Variants in RUNX2 observed in about 807,000 individuals in gnomAD.
The protein encoded by RUNX2 is runt-related transcription factor 2.
A neutral mutation model predicts 51.7 loss-of-function variants in RUNX2; 10 were observed. That is an observed-to-expected ratio of 0.19 (90% CI 0.12 to 0.33). The LOEUF (loss-of-function observed/expected upper bound fraction) is 0.33, where lower values mean the gene tolerates loss of function less well. Ranked by LOEUF, RUNX2 falls within the 10% of genes least tolerant of loss-of-function variation. The pLI, the probability that RUNX2 is intolerant of heterozygous loss-of-function variation, is 1.00. For missense variants in RUNX2, 562 were observed against 691.3 expected (o/e 0.81, Z 2.10); for synonymous variants, 276 against 273.6 (o/e 1.01, Z -0.09).
At position 45,547,192 on chromosome 6, in the gene RUNX2, C is replaced by A. The variant is rs1421970328; in HGVS notation, c.1453C>A (p.Pro485Thr). 2 of 1,614,048 alleles carry A rather than the reference C, an allele frequency of 1.2e-6. No homozygotes were observed. Among genetic ancestry groups the A allele is most frequent in the African/African-American group, 2.7e-5 (2 of 74,906 alleles). The change falls in exon 9 of 9, where the codon CCA (proline) becomes ACA (threonine). Residue 485 changes from proline to threonine, a missense_variant. Physicochemically the swap from Pro to Thr is conservative, Grantham distance 38. Coordinates refer to ENST00000647337, the MANE Select transcript of RUNX2 (RefSeq NM_001024630.4). Reference sequence around the variant, plus strand: ...CTCGAATGGCAGCACGCTATTAAATCCAAATTTGCCTAACCAGAATGATGG... The same window carrying A: ...CTCGAATGGCAGCACGCTATTAAATACAAATTTGCCTAACCAGAATGATGG... ...TTSNGSTLLN[P>T]NLPNQNDGVD...
chr6:45,357,029 C>T (rs774664375), intron 2 of RUNX2, among the ~76,000 whole-genome samples: 5 of 152,046 alleles, frequency 3.3e-5, no homozygotes, highest in South Asian at 2.1e-4. Flanking sequence ...TTTTCTGAGA[C>T]GGAGTCTCAC....
At chr6:45,439,208 G>A (rs1798773652) in intron 5 of RUNX2, among the ~76,000 whole-genome samples, 1 of 152,194 alleles carries the variant, frequency 6.6e-6, no homozygotes, top group African/African-American at 2.4e-5. Context: ...TCAAAAGCAA[G>A]TCTTTGAGGT....
intron 5 of RUNX2, among the ~76,000 whole-genome samples, chr6:45,446,484 C>A (rs1446447673): frequency 6.6e-6 from 1 of 151,552 alleles, no homozygotes; most frequent in African/African-American, 2.4e-5. Context: ...TTCCCCTCCC[C>A]CCCTTTTTTT....
intron 2 of RUNX2, among the ~76,000 whole-genome samples, chr6:45,333,073 A>T (rs1447187066): frequency 2.6e-5 from 4 of 151,714 alleles, no homozygotes; most frequent in Non-Finnish European, 4.4e-5. Context: ...TAACTGTCTA[A>T]AGCATGTGAA....
In RUNX2 at chr6:45,366,597, T is replaced by C. The variant is rs1795177793; in HGVS notation, c.58+37813T>C. ...AAACTTTTATATAAATTTAGATGTA[T>C]TACCCTTTTTTTCACAATCAGGCAA... On this transcript the variant is annotated intron_variant, in intron 2 of 8. Coordinates refer to ENST00000647337, the MANE Select transcript of RUNX2 (RefSeq NM_001024630.4). Among the ~76,000 whole-genome samples, 4 of 152,180 alleles carry C rather than the reference T, an allele frequency of 2.6e-5. No individual in the cohort carries two copies. In the South Asian group the frequency reaches 8.3e-4, roughly 31 times the overall value.
In RUNX2 at chr6:45,547,746, C is replaced by CTGT; in HGVS notation, c.*441_*442insTGT. ...GTGGCAGCTGTGTATGGACCAGTGC[C>CTGT]CTCCGCAGACAGCTCACAAAACCAG... On this transcript the variant is annotated 3_prime_UTR_variant, in exon 9 of 9. Coordinates refer to ENST00000647337, the MANE Select transcript of RUNX2 (RefSeq NM_001024630.4). The CTGT allele has an allele frequency of 4.2e-6, 1 of 235,966 alleles. No homozygotes were observed. Among genetic ancestry groups the CTGT allele is most frequent in the South Asian group, 5.8e-5 (1 of 17,346 alleles). 14.6% of individuals were successfully genotyped at this position (235,966 alleles called of 1,614,324 possible).
At chr6:45,338,940 C>T (rs1467485809) in intron 2 of RUNX2, among the ~76,000 whole-genome samples, 1 of 151,750 alleles carries the variant, frequency 6.6e-6, no homozygotes, top group African/African-American at 2.4e-5. Context: ...GCTGAAGACA[C>T]ATAAGTATAA....
chr6:45,377,996 C>A lies in RUNX2; in HGVS notation c.59-44597C>A, dbSNP rs1797062329. 2.0e-5 allele frequency: 3 copies of A among 149,062 alleles called. No individual in the cohort carries two copies. In the South Asian group the frequency reaches 6.5e-4, roughly 33 times the overall value. The allele number at this position is 149,062 out of a possible 1,614,324, so 9.2% of individuals were successfully genotyped here. On this transcript the variant is annotated intron_variant, in intron 2 of 8. Coordinates refer to ENST00000647337, the MANE Select transcript of RUNX2 (RefSeq NM_001024630.4). ...CCGACTCTCGGTGGGGCGGGGGTTG[C>A]GGAGACTGAGGAGTAAGCGATACGG...
chr6:45,338,841 A>G (rs1272751115), intron 2 of RUNX2, among the ~76,000 whole-genome samples: 1 of 151,982 alleles, frequency 6.6e-6, no homozygotes, highest in African/African-American at 2.4e-5. Flanking sequence ...TTAAGGAGGT[A>G]CTCACTCTTG....
At chr6:45,426,184 A>C (rs1409332541) in intron 3 of RUNX2, among the ~76,000 whole-genome samples, 1 of 152,228 alleles carries the variant, frequency 6.6e-6, no homozygotes, top group African/African-American at 2.4e-5. Context: ...TATACTTTAT[A>C]TAAAGTTGTT....
At chr6:45,508,106 T>TG (rs1278904224) in intron 6 of RUNX2, among the ~76,000 whole-genome samples, 3 of 152,102 alleles carry the variant, frequency 2.0e-5, no homozygotes, top group Non-Finnish European at 2.9e-5. Flanking sequence ...AGAGAAGGCA[T>TG]GGGGGTGTTT....
In RUNX2 at chr6:45,378,172, C is replaced by T. The variant is rs1026771343; in HGVS notation, c.59-44421C>T. Among the ~76,000 whole-genome samples, 4 of 152,084 alleles carry T rather than the reference C, an allele frequency of 2.6e-5. No homozygotes were observed. In the East Asian group the frequency reaches 7.7e-4, roughly 29 times the overall value. ...CCGGCTTGGGCAGCGCTGAGCCACG[C>T]GGCGGCGTTTAGAGCTGGGGACGCT... On this transcript the variant is annotated intron_variant, in intron 2 of 8. Coordinates refer to ENST00000647337, the MANE Select transcript of RUNX2 (RefSeq NM_001024630.4).
At chr6:45,459,026 T>TC (rs1371638886) in intron 5 of RUNX2, among the ~76,000 whole-genome samples, 1 of 152,230 alleles carries the variant, frequency 6.6e-6, no homozygotes, top group African/African-American at 2.4e-5. Flanking sequence ...AATTTCCTTT[T>TC]CCCTGTGTGT....
At chr6:45,487,373 A>C (rs1800315055) in intron 5 of RUNX2, among the ~76,000 whole-genome samples, 1 of 152,194 alleles carries the variant, frequency 6.6e-6, no homozygotes, top group Non-Finnish European at 1.5e-5. Context: ...CATCCATAAA[A>C]GAAGCATGTT....
intron 2 of RUNX2, among the ~76,000 whole-genome samples, chr6:45,403,295 G>A (rs1263822309): frequency 2.1e-5 from 3 of 145,892 alleles, no homozygotes; most frequent in Non-Finnish European, 4.5e-5. Flanking sequence ...GTGCAGTGGT[G>A]CGATCTCGGC....
At chr6:45,513,670 G>A (rs899739615) in intron 7 of RUNX2, 2 of 151,058 alleles carry the variant, frequency 1.3e-5, no homozygotes, top group African/African-American at 2.5e-5. Flanking sequence ...AGGGAAAGAA[G>A]AGGGGTGGAG....
chr6:45,407,339 A>G (rs946627549), intron 2 of RUNX2, among the ~76,000 whole-genome samples: 1 of 152,062 alleles, frequency 6.6e-6, no homozygotes, highest in Non-Finnish European at 1.5e-5. Context: ...ATGAGCCACT[A>G]CTAGCAGCCT....
chr6:45,395,507 T>C (rs1183621952), intron 2 of RUNX2, among the ~76,000 whole-genome samples: 4 of 152,144 alleles, frequency 2.6e-5, no homozygotes, highest in Non-Finnish European at 5.9e-5. Context: ...AAATTCTTCC[T>C]AAAACATAAG....
chr6:45,504,001 A>G (rs924435137), intron 6 of RUNX2, among the ~76,000 whole-genome samples: 5 of 152,190 alleles, frequency 3.3e-5, no homozygotes, highest in Admixed American at 2.6e-4. Context: ...TGTACCCTAC[A>G]TAGCCTCCAG....
Sources: allele counts gnomAD v4.1 joint callset (sites outside exome capture counted in the v4.1 genomes callset), GRCh38; gene constraint gnomAD v4.1.1; transcripts MANE v1.5; gene names NCBI Gene and HGNC (gene_info 2026-07-23, HGNC 2026-07-21).